Variants in SLC35D4 observed in about 807,000 individuals in gnomAD.
SLC35D4 encodes UDP-N-acetylglucosamine transporter SLC35D4.
the SLC35D4 span, among the ~76,000 whole-genome samples, chr18:23,397,535 C>T: frequency 2.0e-5 from 3 of 152,168 alleles, no homozygotes; most frequent in African/African-American, 7.2e-5. Context: ...AATACTGGAG[C>T]CTCTGGACAA....
chr18:23,305,558 T>G, the SLC35D4 span, among the ~76,000 whole-genome samples: 1 of 152,182 alleles, frequency 6.6e-6, no homozygotes, highest in African/African-American at 2.4e-5. Flanking sequence ...AATGAGATAA[T>G]ATTAATGTAA....
chr18:23,349,026 A>G, the SLC35D4 span, among the ~76,000 whole-genome samples: 1 of 152,186 alleles, frequency 6.6e-6, no homozygotes, highest in Non-Finnish European at 1.5e-5. Context: ...GTTTGTGATG[A>G]GAAGTTAGCC....
chr18:23,263,548 G>A, the SLC35D4 span, among the ~76,000 whole-genome samples: 4 of 152,330 alleles, frequency 2.6e-5, no homozygotes, highest in Admixed American at 1.3e-4. Flanking sequence ...CAGGTTTAAC[G>A]CAGCCAGTGT....
chr18:23,368,759 T>C, the SLC35D4 span: 3 of 1,448,074 alleles, frequency 2.1e-6, no homozygotes, highest in East Asian at 2.3e-5. Flanking sequence ...CACTAAGGAA[T>C]GAGAGAGGAA....
chr18:23,289,984 A>G, the SLC35D4 span, among the ~76,000 whole-genome samples: 1 of 152,186 alleles, frequency 6.6e-6, no homozygotes, highest in African/African-American at 2.4e-5. Flanking sequence ...ACCCAGGTGA[A>G]ATAAACAGCT....
the SLC35D4 span, among the ~76,000 whole-genome samples, chr18:23,282,548 C>T: frequency 5.3e-5 from 8 of 152,248 alleles, no homozygotes; most frequent in Admixed American, 1.3e-4. Context: ...CTGTTGGGTC[C>T]GAGGATCCGG....
chr18:23,389,135 C>T, the SLC35D4 span, among the ~76,000 whole-genome samples: 1 of 151,722 alleles, frequency 6.6e-6, no homozygotes, highest in African/African-American at 2.4e-5. Context: ...GACTACAGGC[C>T]CTGCCATGAA....
At chr18:23,333,003 A>G in the SLC35D4 span, among the ~76,000 whole-genome samples, 1 of 152,232 alleles carries the variant, frequency 6.6e-6, no homozygotes, top group Admixed American at 6.5e-5. Context: ...GTTATAAGAT[A>G]GGACACTCTA....
chr18:23,255,878 T>C, the SLC35D4 span, among the ~76,000 whole-genome samples: 3 of 152,260 alleles, frequency 2.0e-5, no homozygotes, highest in African/African-American at 7.2e-5. Flanking sequence ...AATGAATCTT[T>C]TGATGTAACA....
At chr18:23,265,643 C>A in the SLC35D4 span, among the ~76,000 whole-genome samples, 1 of 151,926 alleles carries the variant, frequency 6.6e-6, no homozygotes, top group Non-Finnish European at 1.5e-5. Context: ...TTCCCACCAG[C>A]CCAGACCCCT....
At chr18:23,260,471 G>C in the SLC35D4 span, 1 of 152,250 alleles carries the variant, frequency 6.6e-6, no homozygotes, top group African/African-American at 2.4e-5. Flanking sequence ...GAATGCTCTG[G>C]CTGCTGAGTT....
chr18:23,246,281 A>C, the SLC35D4 span, among the ~76,000 whole-genome samples: 1 of 151,936 alleles, frequency 6.6e-6, no homozygotes, highest in Non-Finnish European at 1.5e-5. Context: ...AAAAAAAGAA[A>C]ACAGTGGTCA....
the SLC35D4 span, among the ~76,000 whole-genome samples, chr18:23,423,956 T>C: frequency 1.3e-5 from 2 of 152,094 alleles, no homozygotes. Context: ...AGCTGGGACT[T>C]CAAACTGGGG....
At chr18:23,269,358 C>T in the SLC35D4 span, among the ~76,000 whole-genome samples, 6 of 152,222 alleles carry the variant, frequency 3.9e-5, no homozygotes, top group Admixed American at 6.5e-5. Flanking sequence ...ATGTGAAGAA[C>T]GTGTTTGCTT....
At chr18:23,391,715 T>C in the SLC35D4 span, among the ~76,000 whole-genome samples, 1 of 151,992 alleles carries the variant, frequency 6.6e-6, no homozygotes, top group African/African-American at 2.4e-5. Flanking sequence ...CTCGAACTCC[T>C]GGGCTCAAGC....
At chr18:23,244,108 C>T in the SLC35D4 span, among the ~76,000 whole-genome samples, 4 of 152,206 alleles carry the variant, frequency 2.6e-5, no homozygotes, top group African/African-American at 4.8e-5. Context: ...TTCTCTACTG[C>T]CACTGTTTCA....
chr18:23,406,719 GCCT>G, the SLC35D4 span, among the ~76,000 whole-genome samples: 1 of 152,204 alleles, frequency 6.6e-6, no homozygotes, highest in Admixed American at 6.5e-5. Flanking sequence ...AGTTCTCTAA[GCCT>G]CCTCTGGTTC....
At chr18:23,413,670 A>G in the SLC35D4 span, among the ~76,000 whole-genome samples, 1 of 152,174 alleles carries the variant, frequency 6.6e-6, no homozygotes, top group Non-Finnish European at 1.5e-5. Flanking sequence ...CACACCTGTA[A>G]TCCCAGTACT....
the SLC35D4 span, chr18:23,352,329 T>C: frequency 6.4e-7 from 1 of 1,563,448 alleles, no homozygotes; most frequent in Non-Finnish European, 8.7e-7. Flanking sequence ...GAGGCTTGTC[T>C]TCCCTTAGCC....
Sources: gnomAD v4.1 joint callset for allele counts (sites outside exome capture counted in the v4.1 genomes callset) on GRCh38, gnomAD v4.1.1 for gene constraint, MANE v1.5 for transcripts, NCBI Gene and HGNC (gene_info 2026-07-23, HGNC 2026-07-21) for gene names.